SCNN1B: variants seen among roughly 807,000 people sequenced by gnomAD.
SCNN1B encodes the protein epithelial sodium channel subunit beta.
SCNN1B carries 46 observed loss-of-function variants against 65.3 expected under a neutral mutation model. The ratio of observed to expected loss-of-function variants is 0.70; its 90% confidence interval spans 0.56 to 0.90. The LOEUF (loss-of-function observed/expected upper bound fraction) is 0.90, where lower values mean the gene tolerates loss of function less well. Ranked by LOEUF, SCNN1B falls within the 40% of genes least tolerant of loss-of-function variation. The pLI, the probability that SCNN1B is intolerant of heterozygous loss-of-function variation, is 0.00. For synonymous variants in SCNN1B, 349 were observed against 330.6 expected (o/e 1.06, Z -0.60); for missense variants, 751 against 830.5 (o/e 0.90, Z 1.18).
At chr16:23,294,396 C>A (rs1960966464) in intron 2 of SCNN1B, among the ~76,000 whole-genome samples, 1 of 151,724 alleles carries the variant, frequency 6.6e-6, no homozygotes, top group Non-Finnish European at 1.5e-5. Flanking sequence ...GACCCTGTCT[C>A]AAAAAACAAA....
rs1567290265 is a variant in SCNN1B, at chr16:23,305,548, ATATATATATATATATATATATATATATAT to A, written c.-9+3134_-9+3162del. ...AAATATATATATTATATATATATAT[ATATATATATATATATATATATATATATAT>A]TATATATATATATATATATATAACC... On this transcript the variant is annotated intron_variant, in intron 1 of 12. Transcript: ENST00000343070. 6.1e-3 allele frequency among the ~76,000 whole-genome samples: 213 copies of A among 35,196 alleles called. 9 individuals are homozygous for A. Among genetic ancestry groups the A allele is most frequent in the South Asian group, 6.7e-3 (7 of 1,040 alleles). 23.1% of individuals were successfully genotyped at this position (35,196 alleles called of 152,430 possible).
At position 23,367,880 on chromosome 16, in the gene SCNN1B, T is replaced by C. The variant is rs1253924099; in HGVS notation, c.801T>C (p.Pro267=). 1.2e-6 allele frequency: 2 copies of C among 1,614,146 alleles called. No homozygotes were observed. The highest frequency in any genetic ancestry group is 2.2e-5 in the South Asian group (2 of 91,086). ...GGAACTTCACGTCCATCTTCTACCCTCACTATGGCAACTGTTACATCTTCA... is the reference window on the plus strand; with the variant it reads ...GGAACTTCACGTCCATCTTCTACCCCCACTATGGCAACTGTTACATCTTCA... ...NYRNFTSIFY[P]HYGNCYIFNW... The change falls in exon 5 of 13, where the codon CCT becomes CCC. Residue 267 remains proline (P), a synonymous_variant. Coordinates refer to ENST00000343070, the MANE Select transcript of SCNN1B (RefSeq NM_000336.3).
chr16:23,375,907 C>A, intron 8 of SCNN1B, 52 bp downstream of exon 8: 1 of 1,255,614 alleles, frequency 8.0e-7, no homozygotes, highest in South Asian at 1.2e-5. Flanking sequence ...GCCACAGAGG[C>A]TCTGACCATA....
chr16:23,293,542 T>C (rs72774345), intron 2 of SCNN1B, among the ~76,000 whole-genome samples: 24,397 of 152,090 alleles, frequency 0.16, 2,811 homozygotes, highest in East Asian at 0.32. Context: ...AAGTTTCAAT[T>C]TGGAAAGAAG....
intron 2 of SCNN1B, among the ~76,000 whole-genome samples, chr16:23,286,842 A>C (rs1376820394): frequency 6.6e-6 from 1 of 152,206 alleles, no homozygotes; most frequent in African/African-American, 2.4e-5. Context: ...ATGTAATCCC[A>C]GCACTTTGGG....
intron 4 of SCNN1B, 46 bp from the exon 5 acceptor site, chr16:23,367,810 T>C: frequency 6.9e-7 from 1 of 1,442,182 alleles, no homozygotes; most frequent in Non-Finnish European, 9.8e-7. Flanking sequence ...GGGGGAGGCA[T>C]TGCCTGTGGT....
intron 5 of SCNN1B, among the ~76,000 whole-genome samples, chr16:23,369,289 G>A: frequency 6.6e-6 from 1 of 152,110 alleles, no homozygotes; most frequent in East Asian, 1.9e-4. Context: ...TCATCCTGTT[G>A]CCCAGGTTGG....
chr16:23,300,265 A>G (rs1961054876), upstream of SCNN1B, among the ~76,000 whole-genome samples: 1 of 152,082 alleles, frequency 6.6e-6, no homozygotes, highest in Non-Finnish European at 1.5e-5. Flanking sequence ...GGGTGCAGCA[A>G]ACCACCATGG....
chr16:23,347,050 T>C (rs1398844772), intron 1 of SCNN1B, among the ~76,000 whole-genome samples: 1 of 152,046 alleles, frequency 6.6e-6, no homozygotes, highest in African/African-American at 2.4e-5. Context: ...TGAGCCATGA[T>C]CATGCCACTG....
intron 2 of SCNN1B, among the ~76,000 whole-genome samples, chr16:23,289,706 C>T (rs1312883719): frequency 7.4e-6 from 1 of 135,398 alleles, no homozygotes; most frequent in African/African-American, 2.9e-5. Flanking sequence ...GGCAGAGTCT[C>T]ACTCTGTCAC....
chr16:23,380,294 T>C lies in SCNN1B; in HGVS notation c.1542+125T>C. ...AGATCCCTAAGACAGTCCCAAGTTA[T>C]TCCCCTGGGCCAAGATGGTCACCCC... On this transcript the variant is annotated intron_variant, in intron 12 of 12. Transcript: ENST00000343070. This position sits in a 1 kb window ranked among gnomAD's most constrained non-coding sequence, Gnocchi z 5.4. The C allele has an allele frequency of 1.3e-6, 2 of 1,517,714 alleles. No homozygotes were observed. Among genetic ancestry groups the C allele is most frequent in the Non-Finnish European group, 1.8e-6 (2 of 1,095,148 alleles). The allele number at this position is 1,517,714 out of a possible 1,614,324, so 94.0% of individuals were successfully genotyped here.
chr16:23,286,644 A>G (rs537265044), intron 2 of SCNN1B, among the ~76,000 whole-genome samples: 1 of 152,360 alleles, frequency 6.6e-6, no homozygotes, highest in East Asian at 1.9e-4. Flanking sequence ...GGACAAATTA[A>G]ATACACCTCA....
intron 1 of SCNN1B, among the ~76,000 whole-genome samples, chr16:23,304,435 AGTCTCTGCAGGTCCCTAAG>A (rs1162718865): frequency 6.6e-6 from 1 of 152,202 alleles, no homozygotes; most frequent in Admixed American, 6.5e-5. Flanking sequence ...CTCTAGCTGC[AGTCTCTGCAGGTCCCTAAG>A]GCTGAGACTC....
At chr16:23,360,605 T>TC (rs1332593811) in intron 4 of SCNN1B, among the ~76,000 whole-genome samples, 1 of 148,282 alleles carries the variant, frequency 6.7e-6, no homozygotes, top group Non-Finnish European at 1.5e-5. Flanking sequence ...TTTTTTTTTT[T>TC]TTTTTTTTGA....
chr16:23,361,301 T>A (rs961354044), intron 4 of SCNN1B, among the ~76,000 whole-genome samples: 1 of 152,144 alleles, frequency 6.6e-6, no homozygotes, highest in African/African-American at 2.4e-5. Flanking sequence ...TGGACTCAAG[T>A]GATCCTCCCT....
intron 4 of SCNN1B, among the ~76,000 whole-genome samples, chr16:23,366,774 T>C (rs1380151025): frequency 3.9e-5 from 6 of 152,202 alleles, no homozygotes; most frequent in African/African-American, 1.4e-4. Context: ...TCCTCCCACT[T>C]TGGCCTCCCA....
In SCNN1B at chr16:23,355,530, C is replaced by T. The variant is rs35656934; in HGVS notation, c.776+41C>T. The T allele has an allele frequency of 9.6e-3, 15,303 of 1,599,430 alleles. 99 individuals carry two copies. Among genetic ancestry groups the T allele is most frequent in the Middle Eastern group, 0.021 (127 of 5,944 alleles). On this transcript the variant is annotated intron_variant, in intron 4 of 12. Coordinates refer to ENST00000343070, the MANE Select transcript of SCNN1B (RefSeq NM_000336.3). Reference sequence around the variant, plus strand: ...AGCCCACCCGGCCAGGCCCTGGCACCGAGAGACAGTGGCATGTTACGGTTG... The same window carrying T: ...AGCCCACCCGGCCAGGCCCTGGCACTGAGAGACAGTGGCATGTTACGGTTG...
rs767249128 is a variant in SCNN1B at position 23,353,042 on chromosome 16, A to G, written c.553A>G (p.Asn185Asp). The G allele has an allele frequency of 3.1e-6, 5 of 1,614,164 alleles. No individual in the cohort carries two copies. Among genetic ancestry groups the G allele is most frequent in the Non-Finnish European group, 4.2e-6 (5 of 1,180,038 alleles). Residue 185 changes from asparagine (N) to aspartate (D), a missense_variant, in exon 3 of 13, where the codon AAT becomes GAT. Coordinates refer to ENST00000343070, the MANE Select transcript of SCNN1B (RefSeq NM_000336.3). The stretch of plus-strand genomic sequence containing the variant: ...CAGCTCAGCATCAGAAAAGATCTGT[A>G]ATGCCCACGGGTGCAAAATGGCCAT... ...TSSSASEKICNAHGCKMAMRL... is the reference protein window; with the variant it reads ...TSSSASEKICDAHGCKMAMRL...
At chr16:23,357,507 C>T (rs953196129) in intron 4 of SCNN1B, among the ~76,000 whole-genome samples, 1 of 152,176 alleles carries the variant, frequency 6.6e-6, no homozygotes, top group Non-Finnish European at 1.5e-5. Context: ...CGCTTGAACC[C>T]CAGGGGCGGA....
Sources: allele counts gnomAD v4.1 joint callset (sites outside exome capture counted in the v4.1 genomes callset), GRCh38; gene constraint gnomAD v4.1.1; non-coding constraint Gnocchi (gnomAD v3.1); transcripts MANE v1.5; gene names NCBI Gene and HGNC (gene_info 2026-07-23, HGNC 2026-07-21).